Variants in PDSS2 observed in about 807,000 individuals in gnomAD.
PDSS2 encodes the protein all trans-polyprenyl-diphosphate synthase PDSS2.
In PDSS2, 31 loss-of-function variants were observed where a neutral mutation model predicts 44.5. The ratio of observed to expected loss-of-function variants is 0.70; its 90% confidence interval spans 0.52 to 0.94. The LOEUF (loss-of-function observed/expected upper bound fraction) is 0.94, where lower values mean the gene tolerates loss of function less well. PDSS2 is among the 40% of genes least tolerant of loss of function. PDSS2 has a pLI of 0.00. For missense variants in PDSS2, 452 were observed against 482.2 expected, an observed-to-expected ratio of 0.94 and a Z score of 0.59; for synonymous variants, 157 against 180.3, an observed-to-expected ratio of 0.87 and a Z score of 1.03.
chr6:107,415,318 T>G (rs532020942), intron 1 of PDSS2, among the ~76,000 whole-genome samples: 3 of 152,068 alleles, frequency 2.0e-5, no homozygotes, highest in African/African-American at 4.8e-5. Flanking sequence ...CAAAAAAAAT[T>G]TTTTTTTGTT....
At chr6:107,422,958 C>T (rs941849904) in intron 1 of PDSS2, among the ~76,000 whole-genome samples, 14 of 152,066 alleles carry the variant, frequency 9.2e-5, no homozygotes, top group Admixed American at 3.3e-4. Context: ...ATTTTTTTTA[C>T]TTCCATAGAA....
chr6:107,252,779 A>C (rs1470304278), intron 3 of PDSS2, among the ~76,000 whole-genome samples: 1 of 152,192 alleles, frequency 6.6e-6, no homozygotes, highest in African/African-American at 2.4e-5. Flanking sequence ...AAAATGAATG[A>C]AAGTTCTATT....
At chr6:107,433,078 T>A (rs72941770) in intron 1 of PDSS2, among the ~76,000 whole-genome samples, 10,719 of 151,850 alleles carry the variant, frequency 0.071, 441 homozygotes, top group Non-Finnish European at 0.094. Flanking sequence ...AGGAAAAAAA[T>A]TTTTTTTTAA....
intron 7 of PDSS2, among the ~76,000 whole-genome samples, chr6:107,181,622 G>T (rs1771986487): frequency 6.6e-6 from 1 of 151,610 alleles, no homozygotes; most frequent in South Asian, 2.1e-4. Flanking sequence ...GGGCACCGTG[G>T]CTCACACCTG....
chr6:107,215,373 C>T (rs530415156), intron 4 of PDSS2, among the ~76,000 whole-genome samples: 65 of 152,182 alleles, frequency 4.3e-4, no homozygotes, highest in Non-Finnish European at 6.9e-4. Flanking sequence ...GCCTGGATGA[C>T]GCAGTGAGAA....
intron 7 of PDSS2, among the ~76,000 whole-genome samples, chr6:107,181,544 G>A (rs9480749): frequency 0.36 from 46,599 of 128,096 alleles, 9,788 homozygotes; most frequent in East Asian, 0.68. Context: ...AAAAAAAAAA[G>A]AAAAGAAAAG....
chr6:107,237,942 C>T (rs1468757203), intron 4 of PDSS2, among the ~76,000 whole-genome samples: 1 of 147,506 alleles, frequency 6.8e-6, no homozygotes, highest in Non-Finnish European at 1.5e-5. Flanking sequence ...GACAGAAGGA[C>T]AGAAGTTATC....
At position 107,188,898 on chromosome 6, in the gene PDSS2, C is replaced by G. The variant is rs544695408; in HGVS notation, c.1041+4924G>C. Among the ~76,000 whole-genome samples, 68 of 152,238 alleles carry G rather than the reference C, an allele frequency of 4.5e-4. 1 individual carries two copies. The highest frequency in any genetic ancestry group is 4.3e-3 in the Admixed American group (66 of 15,282). On this transcript the variant is annotated intron_variant, in intron 7 of 7. Transcript: ENST00000369037. ...CCTGCAGAACCATAAGCCAATTAAA[C>G]CTCTTTTCTTTTTCATTTTTTTTGA...
chr6:107,251,302 T>C (rs1337654408), intron 3 of PDSS2, among the ~76,000 whole-genome samples: 1 of 152,248 alleles, frequency 6.6e-6, no homozygotes, highest in East Asian at 1.9e-4. Context: ...ATTTGCTTGG[T>C]ATATAAAAAC....
intron 4 of PDSS2, among the ~76,000 whole-genome samples, chr6:107,215,027 G>A (rs1773364979): frequency 6.6e-6 from 1 of 152,164 alleles, no homozygotes; most frequent in Admixed American, 6.5e-5. Flanking sequence ...ACACAGGAGA[G>A]AAACAATGCA....
intron 7 of PDSS2, among the ~76,000 whole-genome samples, chr6:107,181,454 A>C (rs893970276): frequency 6.7e-6 from 1 of 149,716 alleles, no homozygotes; most frequent in African/African-American, 2.5e-5. Context: ...AATTGCTTGA[A>C]CCCAGGAGGT....
At chr6:107,177,185 CA>C (rs1771823807) in intron 7 of PDSS2, among the ~76,000 whole-genome samples, 2 of 140,230 alleles carry the variant, frequency 1.4e-5, no homozygotes, top group Admixed American at 7.7e-5. Flanking sequence ...GGCTGGAGTG[CA>C]GTGTTGCAAT....
rs78808744 is a variant in PDSS2, at chr6:107,203,844, C to T, written c.1008+6595G>A. Among the ~76,000 whole-genome samples, 156 of 152,262 alleles carry T rather than the reference C, an allele frequency of 1.0e-3. 3 individuals carry two copies. In the East Asian group the frequency reaches 0.024, roughly 24 times the overall value. On this transcript the variant is annotated intron_variant, in intron 6 of 7. Coordinates refer to ENST00000369037, the MANE Select transcript of PDSS2 (RefSeq NM_020381.4). ...CCTCTCCCCAACCCTGGGCAACCAC[C>T]AGTCTTTTTTCTGTCTCTATGATTT...
intron 3 of PDSS2, among the ~76,000 whole-genome samples, chr6:107,259,288 G>T (rs775813639): frequency 6.6e-6 from 1 of 152,154 alleles, no homozygotes; most frequent in Non-Finnish European, 1.5e-5. Context: ...ATGGATGAAT[G>T]AATGATCTGA....
At chr6:107,324,883 G>A (rs1469403080) in intron 2 of PDSS2, among the ~76,000 whole-genome samples, 2 of 152,054 alleles carry the variant, frequency 1.3e-5, no homozygotes, top group Non-Finnish European at 2.9e-5. Flanking sequence ...AGTGCTAGAC[G>A]AATTCTAATG....
At chr6:107,212,836 CA>C (rs68101776) in intron 4 of PDSS2, among the ~76,000 whole-genome samples, 9,696 of 127,408 alleles carry the variant, frequency 0.076, 308 homozygotes, top group South Asian at 0.18. Flanking sequence ...CAAGACTCTA[CA>C]AAAAAAAAAA....
At chr6:107,340,864 G>C (rs1051907514) in intron 1 of PDSS2, among the ~76,000 whole-genome samples, 1 of 152,192 alleles carries the variant, frequency 6.6e-6, no homozygotes, top group African/African-American at 2.4e-5. Flanking sequence ...GGAGCTGTGG[G>C]GCTACCCATT....
chr6:107,450,682 T>C (rs111349540), intron 1 of PDSS2, among the ~76,000 whole-genome samples: 8 of 152,216 alleles, frequency 5.3e-5, no homozygotes, highest in African/African-American at 1.7e-4. Flanking sequence ...CCTATAATTC[T>C]ATAGGTTATG....
intron 1 of PDSS2, among the ~76,000 whole-genome samples, chr6:107,458,181 T>C (rs1782108644): frequency 6.7e-6 from 1 of 149,182 alleles, no homozygotes; most frequent in Non-Finnish European, 1.5e-5. Flanking sequence ...GGGGTTTAAG[T>C]GGAAGAAAAA....
Sources: gnomAD v4.1 joint callset for allele counts (sites outside exome capture counted in the v4.1 genomes callset) on GRCh38, gnomAD v4.1.1 for gene constraint, MANE v1.5 for transcripts, NCBI Gene and HGNC (gene_info 2026-07-23, HGNC 2026-07-21) for gene names.